The following HNF1B variants were observed in gnomAD, a reference collection of about 807,000 sequenced individuals.
HNF1B encodes HNF1 homeobox B.
In HNF1B, 8 loss-of-function variants were observed where a neutral mutation model predicts 61.7. The ratio of observed to expected loss-of-function variants is 0.13; its 90% CI spans 0.08 to 0.23. The LOEUF (loss-of-function observed/expected upper bound fraction) is 0.23, where lower values mean the gene tolerates loss of function less well. Ranked by LOEUF, HNF1B falls within the 10% of genes least tolerant of loss-of-function variation. The pLI is 1.00. For synonymous variants in HNF1B, 314 were observed against 287.7 expected, an observed-to-expected ratio of 1.09 and a Z score of -0.93; for missense variants, 562 against 714.5, an observed-to-expected ratio of 0.79 and a Z score of 2.43.
chr17:37,743,446 A>C (rs1203908571), intron 1 of HNF1B, among the ~76,000 whole-genome samples: 1 of 152,224 alleles, frequency 6.6e-6, no homozygotes, highest in South Asian at 2.1e-4. Context: ...AAAATCTACA[A>C]GTTCCCCTGA....
At chr17:37,729,580 G>A (rs2033621194) in intron 4 of HNF1B, 1 of 152,210 alleles carries the variant, frequency 6.6e-6, no homozygotes, top group Admixed American at 6.5e-5. Flanking sequence ...TCCATCTGCA[G>A]CTGGTTCTGG....
At position 37,742,771 on chromosome 17, in the gene HNF1B, C is replaced by G. The variant is rs1598852149; in HGVS notation, c.344+1770G>C. Among the ~76,000 whole-genome samples the G allele has an allele frequency of 2.6e-5, 4 of 151,612 alleles. 1 individual carries two copies. Among genetic ancestry groups the G allele is most frequent in the Admixed American group, 2.6e-4 (4 of 15,252 alleles). On this transcript the variant is annotated intron_variant, in intron 1 of 8. Coordinates refer to ENST00000617811, the MANE Select transcript of HNF1B (RefSeq NM_000458.4). ...CGCCGGCCGGGCCTGCGGGTGTCGG[C>G]GACCCGGGGGCTCCGCGGGCGGCTC... is the stretch of plus-strand genomic sequence containing the variant.
At chr17:37,722,380 G>A (rs890242775) in intron 4 of HNF1B, among the ~76,000 whole-genome samples, 4 of 152,168 alleles carry the variant, frequency 2.6e-5, no homozygotes, top group African/African-American at 9.7e-5. Flanking sequence ...ACCCCTAAGG[G>A]GATAGGTATT....
chr17:37,730,324 T>G (rs999893745), intron 4 of HNF1B: 5 of 152,604 alleles, frequency 3.3e-5, no homozygotes, highest in African/African-American at 1.2e-4. Context: ...GAAGTTACTC[T>G]GCAATCAGGC....
At chr17:37,724,934 G>A (rs57258510) in intron 4 of HNF1B, among the ~76,000 whole-genome samples, 2,992 of 69,552 alleles carry the variant, frequency 0.043, 102 homozygotes, top group African/African-American at 0.19. Context: ...GTGTGTGTGT[G>A]TGTATATATA....
At chr17:37,722,949 A>G (rs1192330675) in intron 4 of HNF1B, among the ~76,000 whole-genome samples, 1 of 152,076 alleles carries the variant, frequency 6.6e-6, no homozygotes, top group African/African-American at 2.4e-5. Context: ...TGCAGCCTCC[A>G]CCAGGAACAT....
At chr17:37,722,397 G>A (rs2033345993) in intron 4 of HNF1B, among the ~76,000 whole-genome samples, 1 of 152,212 alleles carries the variant, frequency 6.6e-6, no homozygotes, top group Admixed American at 6.5e-5. Flanking sequence ...TATTGGGACA[G>A]AGAAGCTAAT....
At chr17:37,724,093 GGAGT>G (rs2033413644) in intron 4 of HNF1B, among the ~76,000 whole-genome samples, 1 of 152,124 alleles carries the variant, frequency 6.6e-6, no homozygotes, top group Non-Finnish European at 1.5e-5. Flanking sequence ...GAGGCAAAGG[GGAGT>G]TAGTTGCTAA....
Position 37,733,840 on chromosome 17 carries a change from A to G in HNF1B, c.545-19T>C. ...TTGAATTCTGAAAAGAGAAAGGAGT[A>G]GATTTGATAGGGTCTGTAGCCTTCA... On this transcript the variant is annotated intron_variant, in intron 2 of 8. Transcript: ENST00000617811. The G allele has an allele frequency of 1.9e-6, 3 of 1,613,420 alleles. No individual in the cohort carries two copies. Among genetic ancestry groups the G allele is most frequent in the Non-Finnish European group, 2.5e-6 (3 of 1,179,950 alleles).
intron 5 of HNF1B, among the ~76,000 whole-genome samples, chr17:37,705,592 G>A (rs888272509): frequency 6.6e-6 from 1 of 152,178 alleles, no homozygotes; most frequent in African/African-American, 2.4e-5. Context: ...TTTAATGACA[G>A]ATTAGTATGA....
chr17:37,721,474 A>G (rs1443400584), intron 4 of HNF1B, among the ~76,000 whole-genome samples: 2 of 152,168 alleles, frequency 1.3e-5, no homozygotes, highest in Admixed American at 6.5e-5. Context: ...GTCAGAGTGG[A>G]AAGGCCCTCA....
At chr17:37,721,461 C>T (rs780992288) in intron 4 of HNF1B, among the ~76,000 whole-genome samples, 1 of 152,146 alleles carries the variant, frequency 6.6e-6, no homozygotes, top group African/African-American at 2.4e-5. Flanking sequence ...CAAATAATAG[C>T]CTGTCAGAGT....
chr17:37,706,490 C>G (rs377764605), intron 5 of HNF1B, among the ~76,000 whole-genome samples: 17 of 152,044 alleles, frequency 1.1e-4, no homozygotes, highest in East Asian at 7.7e-4. Flanking sequence ...CCCTTCCGGT[C>G]AACTCCATAG....
Position 37,699,057 on chromosome 17 carries a change from C to T in HNF1B, c.1653+19G>A, listed in dbSNP as rs1410497068. The T allele has an allele frequency of 6.3e-7, 1 of 1,582,276 alleles. No individual in the cohort carries two copies. Among genetic ancestry groups the T allele is most frequent in the Non-Finnish European group, 8.7e-7 (1 of 1,151,036 alleles). On this transcript the variant is annotated intron_variant, in intron 8 of 8. Coordinates refer to ENST00000617811, the MANE Select transcript of HNF1B (RefSeq NM_000458.4). Reference sequence around the variant, plus strand: ...CACCCTGCCCACACCCCAACCCCCGCAAATCCTGCTGGCATTACCTGTTTA... The same window carrying T: ...CACCCTGCCCACACCCCAACCCCCGTAAATCCTGCTGGCATTACCTGTTTA...
chr17:37,710,736 T>G, intron 4 of HNF1B, 73 bp from the exon 5 acceptor site: 1 of 1,457,474 alleles, frequency 6.9e-7, no homozygotes, highest in Non-Finnish European at 9.5e-7. Flanking sequence ...CGGCACCTCT[T>G]GTTTTCAAGG....
chr17:37,736,916 A>G (rs1230651754), intron 2 of HNF1B, among the ~76,000 whole-genome samples: 1 of 152,196 alleles, frequency 6.6e-6, no homozygotes, highest in African/African-American at 2.4e-5. Flanking sequence ...CTAGCCACCA[A>G]CAACTCTTCT....
Position 37,744,653 on chromosome 17 carries a change from C to G in HNF1B, c.232G>C (p.Glu78Gln). ...GHAKGRLSGD[E>Q]GSEDGDDYDT... ...TAGTCGTCGCCGTCCTCGGAGCCCT[C>G]GTCGCCGGACAAGCGGCCCTTGGCG... Residue 78 changes from glutamate to glutamine, a missense_variant, in exon 1 of 9, where the codon GAG becomes CAG. Glu to Gln is a conservative substitution (Grantham distance 29). This residue lies in a region of HNF1B where 148 missense variants were observed against 147.3 expected (regional missense o/e 1.00). Transcript: ENST00000617811. 1 of 1,613,022 alleles carries G rather than the reference C, an allele frequency of 6.2e-7. No individual in the cohort carries two copies. The highest frequency in any genetic ancestry group is 8.5e-7 in the Non-Finnish European group (1 of 1,180,032).
At chr17:37,691,654 G>C (rs2032208966) in intron 8 of HNF1B, among the ~76,000 whole-genome samples, 1 of 152,142 alleles carries the variant, frequency 6.6e-6, no homozygotes, top group Admixed American at 6.5e-5. Context: ...TCCCATGAAA[G>C]AGGTATCATT....
chr17:37,704,992 G>C lies in HNF1B; in HGVS notation c.1264C>G (p.Leu422Val). 6.2e-7 allele frequency: 1 copy of C among 1,613,964 alleles called. No individual in the cohort carries two copies. The highest frequency in any genetic ancestry group is 8.5e-7 in the Non-Finnish European group (1 of 1,179,858). The change falls in exon 6 of 9, where the codon CTC becomes GTC. Residue 422 changes from leucine to valine, a missense_variant. This residue lies in a region of HNF1B where 211 missense variants were observed against 200.7 expected (regional missense o/e 1.05). Transcript: ENST00000617811. ...PVSTLTNIHSLSHHNPQQSQN... is the reference protein window; with the variant it reads ...PVSTLTNIHSVSHHNPQQSQN... ...GATTGCTGGGGATTATGGTGGGAGA[G>C]GCTGTGGATATTCGTCAAGGTGCTG...
Sources: allele counts gnomAD v4.1 joint callset (sites outside exome capture counted in the v4.1 genomes callset), GRCh38; gene constraint gnomAD v4.1.1; regional missense constraint gnomAD v4.1.1; transcripts MANE v1.5; gene names NCBI Gene and HGNC (gene_info 2026-07-23, HGNC 2026-07-21).